Variants in MAPT observed in about 807,000 individuals in gnomAD.
MAPT encodes the protein microtubule-associated protein tau.
In MAPT, 34 loss-of-function variants were observed where a neutral mutation model predicts 67.9. The observed-to-expected ratio is 0.50, with a 90% CI of 0.38 to 0.67. The LOEUF (loss-of-function observed/expected upper bound fraction) is 0.67. Ranked by LOEUF, MAPT falls within the 30% of genes least tolerant of loss-of-function variation. MAPT has a pLI of 0.00. For missense variants in MAPT, 881 were observed against 1,115.2 expected (o/e 0.79, Z 2.99); for synonymous variants, 456 against 464.5 (o/e 0.98, Z 0.23).
At chr17:46,021,517 G>A (rs576257022) in intron 12 of MAPT, among the ~76,000 whole-genome samples, 12 of 152,322 alleles carry the variant, frequency 7.9e-5, no homozygotes, top group Admixed American at 2.0e-4. Context: ...TTTCCTGGGT[G>A]AAAGGAGGCC....
At chr17:46,014,670 T>C (rs550159194) in intron 11 of MAPT, among the ~76,000 whole-genome samples, 14 of 151,884 alleles carry the variant, frequency 9.2e-5, no homozygotes, top group Non-Finnish European at 1.2e-4. Context: ...GTCAGGAGAT[T>C]GAGACCATCC....
intron 2 of MAPT, among the ~76,000 whole-genome samples, chr17:45,966,397 G>A (rs969657973): frequency 3.9e-5 from 6 of 152,106 alleles, no homozygotes; most frequent in African/African-American, 1.4e-4. Flanking sequence ...AGACAAGCCT[G>A]GGCAACATGG....
chr17:46,002,270 G>A lies in MAPT; in HGVS notation c.1998+5606G>A, dbSNP rs116485294. ...GGAGTGCTGAAGCAGGCAGGCTGTC[G>A]GCATCTGCTGGGGACGGTTAAGCAG... On this transcript the variant is annotated intron_variant, in intron 9 of 12. Coordinates refer to ENST00000262410, the MANE Select transcript of MAPT (RefSeq NM_001377265.1). Among the ~76,000 whole-genome samples the A allele has an allele frequency of 3.6e-3, 555 of 152,224 alleles. 1 individual carries two copies. Among genetic ancestry groups the A allele is most frequent in the African/African-American group, 0.013 (530 of 41,538 alleles).
chr17:45,981,994 G>A (rs1479959570), intron 4 of MAPT, among the ~76,000 whole-genome samples: 2 of 149,518 alleles, frequency 1.3e-5, no homozygotes, highest in African/African-American at 4.9e-5. Context: ...ACTCTAGCCT[G>A]GGTGACAGAA....
intron 2 of MAPT, among the ~76,000 whole-genome samples, chr17:45,965,455 G>A (rs932383640): frequency 6.6e-5 from 10 of 151,558 alleles, no homozygotes; most frequent in Admixed American, 3.3e-4. Context: ...TTGCTCTGTC[G>A]CCCAGGCTGG....
At chr17:45,942,446 G>A (rs748506403) in intron 1 of MAPT, among the ~76,000 whole-genome samples, 30 of 152,308 alleles carry the variant, frequency 2.0e-4, no homozygotes, top group South Asian at 6.2e-4. Context: ...AGGCTGCATC[G>A]AGAGGGCCAA....
chr17:45,929,805 A>G (rs1487347479), intron 1 of MAPT, among the ~76,000 whole-genome samples: 2 of 152,130 alleles, frequency 1.3e-5, no homozygotes, highest in African/African-American at 4.8e-5. Flanking sequence ...ATTCTTCATT[A>G]CCCACAACTT....
intron 12 of MAPT, 27 bp downstream of exon 12, chr17:46,018,757 C>A: frequency 1.3e-6 from 2 of 1,517,840 alleles, no homozygotes; most frequent in Non-Finnish European, 1.8e-6. Flanking sequence ...GGGTTGGATG[C>A]TGCCCTTGGG....
intron 3 of MAPT, chr17:45,972,933 A>G (rs1023792691): frequency 4.6e-5 from 7 of 152,262 alleles, no homozygotes; most frequent in Non-Finnish European, 1.0e-4. Context: ...TTGCCGTCCA[A>G]CCTCTTTAGC....
rs770666275 is a variant in MAPT at position 45,991,539 on chromosome 17, G to A, written c.1685G>A (p.Arg562Lys). The change falls in exon 8 of 13, where the codon AGG becomes AAG. Residue 562 changes from arginine (R) to lysine (K), a missense_variant. Arg to Lys is a conservative substitution (Grantham distance 26). Transcript: ENST00000262410. Reference sequence around the variant, plus strand: ...CAGAAGGGCCAGGCCAACGCCACCAGGATTCCAGCAAAAACCCCGCCCGCT... The same window carrying A: ...CAGAAGGGCCAGGCCAACGCCACCAAGATTCCAGCAAAAACCCCGCCCGCT... ...PGQKGQANAT[R>K]IPAKTPPAPK... is the part of the protein sequence containing the mutation. The A allele has an allele frequency of 6.2e-7, 1 of 1,614,194 alleles. No individual in the cohort carries two copies. Among genetic ancestry groups the A allele is most frequent in the Non-Finnish European group, 8.5e-7 (1 of 1,180,024 alleles).
intron 1 of MAPT, among the ~76,000 whole-genome samples, chr17:45,948,609 C>G (rs909198837): frequency 3.3e-5 from 5 of 152,184 alleles, no homozygotes; most frequent in African/African-American, 1.2e-4. Context: ...AGGTCTGCTG[C>G]TGGTGCCAGG....
chr17:46,011,352 C>T (rs1598383535), intron 10 of MAPT, among the ~76,000 whole-genome samples: 1 of 152,252 alleles, frequency 6.6e-6, no homozygotes, highest in South Asian at 2.1e-4. Flanking sequence ...GCCATGATCG[C>T]GCCACTGCAC....
rs2074973469 is a variant in MAPT, at chr17:46,001,243, C to A, written c.1998+4579C>A. On this transcript the variant is annotated intron_variant, in intron 9 of 12. Coordinates refer to ENST00000262410, the MANE Select transcript of MAPT (RefSeq NM_001377265.1). ...ATCAAAAAAGTAAAGTAAAATGAATCCTGTACGTTATATTAAGGTGCCCCA... is the reference window on the plus strand; with the variant it reads ...ATCAAAAAAGTAAAGTAAAATGAATACTGTACGTTATATTAAGGTGCCCCA... Among the ~76,000 whole-genome samples the A allele has an allele frequency of 2.0e-5, 3 of 152,180 alleles. No homozygotes were observed. In the South Asian group the frequency reaches 6.2e-4, roughly 32 times the overall value.
intron 9 of MAPT, chr17:45,999,172 A>G: frequency 6.8e-7 from 1 of 1,469,074 alleles, no homozygotes; most frequent in East Asian, 2.4e-5. Context: ...ATCCAAGTTC[A>G]GTTGCCATCT....
chr17:46,006,823 T>TGA (rs2075461850), intron 9 of MAPT, among the ~76,000 whole-genome samples: 1 of 151,922 alleles, frequency 6.6e-6, no homozygotes, highest in Admixed American at 6.6e-5. Flanking sequence ...CTCGGGAGGC[T>TGA]GAGGCAGGAG....
rs1216930911 is a variant in MAPT at position 46,006,006 on chromosome 17, G to A, written c.1999-4304G>A. On this transcript the variant is annotated intron_variant, in intron 9 of 12. Coordinates refer to ENST00000262410, the MANE Select transcript of MAPT (RefSeq NM_001377265.1). ...GCCTCCTTGTCCTTAACGTGGGGACGGTGGGCAAGAAAGGTGATGTGGCAC... is the reference window on the plus strand; with the variant it reads ...GCCTCCTTGTCCTTAACGTGGGGACAGTGGGCAAGAAAGGTGATGTGGCAC... Among the ~76,000 whole-genome samples, 3 of 152,164 alleles carry A rather than the reference G, an allele frequency of 2.0e-5. No homozygotes were observed. The East Asian group carries it at 5.8e-4, about 29-fold the overall frequency.
intron 1 of MAPT, among the ~76,000 whole-genome samples, chr17:45,958,046 G>A (rs2069938803): frequency 6.6e-6 from 1 of 152,172 alleles, no homozygotes; most frequent in African/African-American, 2.4e-5. Flanking sequence ...GGGGAAGAGG[G>A]CAGATTGGTC....
At chr17:45,979,634 A>G (rs1405653449) in intron 4 of MAPT, 1 of 152,242 alleles carries the variant, frequency 6.6e-6, no homozygotes. Context: ...ATAAGAGAAG[A>G]ACCTCAGTCA....
chr17:45,999,670 G>C (rs1036725799), intron 9 of MAPT: 4 of 1,583,374 alleles, frequency 2.5e-6, no homozygotes, highest in African/African-American at 2.7e-5. Flanking sequence ...AGTGTAGAAA[G>C]GGGCAGATGG....
Sources: gnomAD v4.1 joint callset for allele counts (sites outside exome capture counted in the v4.1 genomes callset) on GRCh38, gnomAD v4.1.1 for gene constraint, MANE v1.5 for transcripts, NCBI Gene and HGNC (gene_info 2026-07-23, HGNC 2026-07-21) for gene names.